Variants in MORN1 observed in about 807,000 individuals in gnomAD.
MORN1 encodes the protein MORN repeat-containing protein 1.
A neutral mutation model predicts 61.9 loss-of-function variants in MORN1; 67 were observed. The ratio of observed to expected loss-of-function variants is 1.08; its 90% CI spans 0.89 to 1.33. The LOEUF is 1.33. MORN1 is among the 40% of genes most tolerant of loss of function. MORN1 has a pLI of 0.00. For synonymous variants in MORN1, 301 were observed against 292.0 expected (o/e 1.03, Z -0.31); for missense variants, 752 against 691.2 (o/e 1.09, Z -0.99).
intron 10 of MORN1, among the ~76,000 whole-genome samples, chr1:2,348,326 A>G (rs115849474): frequency 0.016 from 2,431 of 152,254 alleles, 67 homozygotes; most frequent in African/African-American, 0.055. Flanking sequence ...TGCTCAGCCC[A>G]CGCTGCCAGG....
chr1:2,341,704 A>AG (rs1641399134), intron 10 of MORN1, among the ~76,000 whole-genome samples: 1 of 144,414 alleles, frequency 6.9e-6, no homozygotes, highest in East Asian at 2.0e-4. Flanking sequence ...AAAAAAAAAA[A>AG]AAAAAAGAAA....
At chr1:2,324,598 G>C (rs1008867220) in intron 12 of MORN1, among the ~76,000 whole-genome samples, 1 of 152,296 alleles carries the variant, frequency 6.6e-6, no homozygotes, top group African/African-American at 2.4e-5. Context: ...CCCGGCGGTG[G>C]TATGGTGCCC....
chr1:2,326,888 C>T (rs1569909616), intron 12 of MORN1, among the ~76,000 whole-genome samples: 1 of 152,330 alleles, frequency 6.6e-6, no homozygotes. Context: ...ACACAGCGAC[C>T]CGGGCCTCAC....
chr1:2,372,596 G>A lies in MORN1; in HGVS notation c.635-5C>T, dbSNP rs765843201. The A allele has an allele frequency of 1.4e-5, 22 of 1,610,560 alleles. No individual in the cohort carries two copies. The highest frequency in any genetic ancestry group is 1.9e-5 in the Non-Finnish European group (22 of 1,177,936). On this transcript the variant is annotated splice_region_variant and splice_polypyrimidine_tract_variant and intron_variant, in intron 7 of 13. Coordinates refer to ENST00000378531, the MANE Select transcript of MORN1 (RefSeq NM_024848.3). The surrounding 1 kb of genome is among the most constrained non-coding windows in gnomAD (Gnocchi z 5.4). ...TCACGATCCTCGTAGCTTGTTCTGGGAGAGGACAGAGTGTGGCTTTAGCGG... is the reference window on the plus strand; with the variant it reads ...TCACGATCCTCGTAGCTTGTTCTGGAAGAGGACAGAGTGTGGCTTTAGCGG...
chr1:2,367,279 G>A (rs1157476680), intron 8 of MORN1, among the ~76,000 whole-genome samples: 1 of 136,428 alleles, frequency 7.3e-6, no homozygotes, highest in Non-Finnish European at 1.6e-5. Context: ...TTAGCAAACT[G>A]AAGGACAAGA....
intron 6 of MORN1, among the ~76,000 whole-genome samples, chr1:2,380,405 A>C (rs984933059): frequency 6.6e-6 from 1 of 152,212 alleles, no homozygotes; most frequent in Non-Finnish European, 1.5e-5. Flanking sequence ...TTTGGGGGCC[A>C]AGGCAGAAGC....
At chr1:2,322,746 AGTG>A (rs898083327) in intron 13 of MORN1, 2 of 985,286 alleles carry the variant, frequency 2.0e-6, no homozygotes, top group Non-Finnish European at 2.4e-6. Context: ...CAGCTATACC[AGTG>A]GTGGCCAAGG....
intron 2 of MORN1, among the ~76,000 whole-genome samples, chr1:2,389,209 A>G (rs1008064113): frequency 4.6e-5 from 7 of 152,290 alleles, no homozygotes; most frequent in Non-Finnish European, 1.0e-4. Context: ...CACACCACCA[A>G]AGGTTCACGG....
chr1:2,353,309 C>T (rs1641690621), intron 10 of MORN1, among the ~76,000 whole-genome samples: 1 of 152,242 alleles, frequency 6.6e-6, no homozygotes, highest in Non-Finnish European at 1.5e-5. Context: ...TGTTTTCTTT[C>T]AGGATGATGG....
intron 10 of MORN1, among the ~76,000 whole-genome samples, chr1:2,355,700 C>T (rs1641748682): frequency 6.6e-6 from 1 of 152,216 alleles, no homozygotes. Flanking sequence ...CTGAGAGGGA[C>T]TGCTGCAGAC....
intron 10 of MORN1, 106 bp from the exon 11 acceptor site, chr1:2,336,956 C>T (rs1641293666): frequency 1.5e-5 from 19 of 1,263,090 alleles, no homozygotes; most frequent in Non-Finnish European, 2.0e-5. Flanking sequence ...GCAGCGGGCA[C>T]AGACGCCAGT....
rs1253367996 is a variant in MORN1 at position 2,366,269 on chromosome 1, T to C, written c.745+6212A>G. On this transcript the variant is annotated intron_variant, in intron 8 of 13. Coordinates refer to ENST00000378531, the MANE Select transcript of MORN1 (RefSeq NM_024848.3). Reference sequence around the variant, plus strand: ...GCATATTCTCACTCATAGGTGGGAATTGAACAATGAGAACACATGGACACA... The same window carrying C: ...GCATATTCTCACTCATAGGTGGGAACTGAACAATGAGAACACATGGACACA... 1.8e-4 allele frequency among the ~76,000 whole-genome samples: 27 copies of C among 148,414 alleles called. No homozygotes were observed. The South Asian group carries it at 2.8e-3, about 15-fold the overall frequency.
At chr1:2,389,860 G>C in intron 2 of MORN1, 65 bp downstream of exon 2, 2 of 1,476,952 alleles carry the variant, frequency 1.4e-6, no homozygotes, top group Non-Finnish European at 1.9e-6. Flanking sequence ...CAACCTCCCG[G>C]GGAGAAACTG....
At chr1:2,329,154 G>A (rs946069723) in intron 12 of MORN1, among the ~76,000 whole-genome samples, 1 of 152,094 alleles carries the variant, frequency 6.6e-6, no homozygotes, top group African/African-American at 2.4e-5. Context: ...TGCCGGTGTG[G>A]GTGTGCGAAG....
intron 12 of MORN1, among the ~76,000 whole-genome samples, chr1:2,333,978 G>A (rs1277943479): frequency 6.6e-6 from 1 of 152,166 alleles, no homozygotes; most frequent in Non-Finnish European, 1.5e-5. Context: ...CTGGTTGGGG[G>A]AGCTGGGACC....
chr1:2,388,194 G>C (rs746900908), intron 3 of MORN1, 45 bp downstream of exon 3: 3 of 1,482,934 alleles, frequency 2.0e-6, no homozygotes, highest in Middle Eastern at 1.7e-4. Flanking sequence ...TGAGCCCGAT[G>C]GGTTATGAGA....
Position 2,355,566 on chromosome 1 carries a change from T to C in MORN1, c.1036+1866A>G, listed in dbSNP as rs1641745661. 4 of 1,314,822 alleles carry C rather than the reference T, an allele frequency of 3.0e-6. No individual in the cohort carries two copies. In the Admixed American group the frequency reaches 8.5e-5, roughly 28 times the overall value. 81.4% of individuals were successfully genotyped at this position (1,314,822 alleles called of 1,614,324 possible). A position where few individuals can be genotyped will look rare whatever the true frequency, so the allele number is the denominator to read the frequency against. ...GGCACGGGCATGGAGGTGGCCCTGG[T>C]GGCGGAGGCTCTTCCCAGGGCGGCC... On this transcript the variant is annotated intron_variant, in intron 10 of 13. Coordinates refer to ENST00000378531, the MANE Select transcript of MORN1 (RefSeq NM_024848.3).
At position 2,376,062 on chromosome 1, in the gene MORN1, G is replaced by T. The variant is rs115091344; in HGVS notation, c.538-1505C>A. ...TTCAGCTACCAAGGACTGGCGCAGA[G>T]TCCATGGGCTGCCCTGACTGCTGCT... is the stretch of plus-strand genomic sequence containing the variant. On this transcript the variant is annotated intron_variant, in intron 6 of 13. Coordinates refer to ENST00000378531, the MANE Select transcript of MORN1 (RefSeq NM_024848.3). 1,300 of 152,464 alleles carry T rather than the reference G, an allele frequency of 8.5e-3. 21 individuals are homozygous for T. The highest frequency in any genetic ancestry group is 0.03 in the African/African-American group (1,234 of 41,582). 9.4% of individuals were successfully genotyped at this position (152,464 alleles called of 1,614,324 possible). A position where few individuals can be genotyped will look rare whatever the true frequency, so the allele number is the denominator to read the frequency against.
chr1:2,349,951 T>C (rs1641610299), intron 10 of MORN1, among the ~76,000 whole-genome samples: 1 of 152,150 alleles, frequency 6.6e-6, no homozygotes, highest in Non-Finnish European at 1.5e-5. Flanking sequence ...CTCTCTACGT[T>C]CCCAAATCCA....
Sources: gnomAD v4.1 joint callset for allele counts (sites outside exome capture counted in the v4.1 genomes callset) on GRCh38, gnomAD v4.1.1 for gene constraint, Gnocchi (gnomAD v3.1) non-coding constraint, MANE v1.5 for transcripts, NCBI Gene and HGNC (gene_info 2026-07-23, HGNC 2026-07-21) for gene names.